AFF2: variants seen among roughly 807,000 people sequenced by gnomAD.
AFF2 encodes AF4/FMR2 family member 2.
AFF2 carries 14 observed loss-of-function variants against 76.9 expected under a neutral mutation model. The observed-to-expected ratio is 0.18, with a 90% CI of 0.12 to 0.28. AFF2 has a LOEUF of 0.28. Among genes scored for constraint, AFF2 ranks in the 10% least tolerant of loss-of-function variants. AFF2 has a pLI of 1.00. For synonymous variants in AFF2, 398 were observed against 366.7 expected, an observed-to-expected ratio of 1.09 and a Z score of -0.98; for missense variants, 868 against 1,001.1, an observed-to-expected ratio of 0.87 and a Z score of 1.79.
rs989839319 is a variant in AFF2, at chrX:148,518,038, A to G, written c.47+16894A>G. On this transcript the variant is annotated intron_variant, in intron 1 of 20. Coordinates refer to ENST00000370460, the MANE Select transcript of AFF2 (RefSeq NM_002025.4). Reference sequence around the variant, plus strand: ...ACTCCGTCTCAAAAAAAAAAAAAAAAAGAAAATAATTTTGTCAAATACTAT... The same window carrying G: ...ACTCCGTCTCAAAAAAAAAAAAAAAGAGAAAATAATTTTGTCAAATACTAT... Among the ~76,000 whole-genome samples, 24 of 110,882 alleles carry G rather than the reference A, an allele frequency of 2.2e-4. No homozygotes were observed. The South Asian group carries it at 8.8e-3, about 41-fold the overall frequency.
chrX:148,781,372 A>T (rs1393533983), intron 3 of AFF2, among the ~76,000 whole-genome samples: 1 of 112,055 alleles, frequency 8.9e-6, no homozygotes, highest in Non-Finnish European at 1.9e-5. Flanking sequence ...TGGGAGTTTT[A>T]TATATAAACC....
At chrX:148,605,939 G>C (rs1172724946) in intron 1 of AFF2, among the ~76,000 whole-genome samples, 3 of 111,715 alleles carry the variant, frequency 2.7e-5, no homozygotes, top group South Asian at 3.7e-4. Flanking sequence ...GGAGAAACAG[G>C]GTGTTAGCAT....
In AFF2 at chrX:148,804,882, C is replaced by G. The variant is rs1349218121; in HGVS notation, c.1042-4994C>G. ...AGGGACAGACAGATCCTAATGTGAA[C>G]TGAGTTTGTAGTTTTCCAAATTCAT... On this transcript the variant is annotated intron_variant, in intron 3 of 20. Coordinates refer to ENST00000370460, the MANE Select transcript of AFF2 (RefSeq NM_002025.4). Among the ~76,000 whole-genome samples the G allele has an allele frequency of 3.6e-5, 4 of 112,026 alleles. No homozygotes were observed. In the East Asian group the frequency reaches 1.1e-3, roughly 31 times the overall value.
At chrX:148,710,200 C>T (rs1414374511) in intron 3 of AFF2, among the ~76,000 whole-genome samples, 2 of 111,856 alleles carry the variant, frequency 1.8e-5, no homozygotes, top group African/African-American at 6.5e-5. Flanking sequence ...AGGTTGTTCT[C>T]ATTGCATAAC....
In AFF2 at chrX:148,758,270, A is replaced by G. The variant is rs782449017; in HGVS notation, c.1042-51606A>G. On this transcript the variant is annotated intron_variant, in intron 3 of 20. Transcript: ENST00000370460. ...TTTGAGAGAAGAACTGTCAACGTAA[A>G]TGTCAGGTTATTTGAAACAACATGA... 2.8e-4 allele frequency among the ~76,000 whole-genome samples: 32 copies of G among 112,592 alleles called. No individual in the cohort carries two copies. In the South Asian group the frequency reaches 4.0e-3, roughly 14 times the overall value.
intron 3 of AFF2, among the ~76,000 whole-genome samples, chrX:148,793,618 A>T (rs2124625594): frequency 9.0e-6 from 1 of 111,671 alleles, no homozygotes; most frequent in Non-Finnish European, 1.9e-5. Context: ...AATTCAATGG[A>T]ACCAAATGGA....
intron 9 of AFF2, among the ~76,000 whole-genome samples, chrX:148,929,972 A>G (rs2124291071): frequency 8.9e-6 from 1 of 111,976 alleles, no homozygotes; most frequent in African/African-American, 3.2e-5. Flanking sequence ...GAAGCTGGAG[A>G]TGAGACAGAC....
At chrX:148,771,093 C>G (rs2069581314) in intron 3 of AFF2, among the ~76,000 whole-genome samples, 2 of 112,088 alleles carry the variant, frequency 1.8e-5, no homozygotes, top group Non-Finnish European at 3.8e-5. Flanking sequence ...AGTGCTAATT[C>G]TATAATGCGC....
At chrX:148,576,793 ATGTGTGTGTG>A (rs60411417) in intron 1 of AFF2, among the ~76,000 whole-genome samples, 1 of 103,445 alleles carries the variant, frequency 9.7e-6, no homozygotes, top group Non-Finnish European at 2.0e-5. Context: ...GTGTGTGTGT[ATGTGTGTGTG>A]TGTGTGTGTG....
chrX:148,718,700 T>C (rs1020142454), intron 3 of AFF2, among the ~76,000 whole-genome samples: 5 of 110,635 alleles, frequency 4.5e-5, no homozygotes, highest in African/African-American at 1.6e-4. Flanking sequence ...ATATTTATAA[T>C]TTTTTTTTAT....
intron 1 of AFF2, among the ~76,000 whole-genome samples, chrX:148,556,763 T>C (rs1471549660): frequency 8.9e-6 from 1 of 112,277 alleles, no homozygotes; most frequent in Non-Finnish European, 1.9e-5. Flanking sequence ...AGAACTTACC[T>C]ATCTGATCTG....
chrX:148,543,824 T>C (rs1557237829), intron 1 of AFF2, among the ~76,000 whole-genome samples: 1 of 112,606 alleles, frequency 8.9e-6, no homozygotes, highest in African/African-American at 3.2e-5. Flanking sequence ...TTAGATACTT[T>C]TGTTTAATGA....
At chrX:148,778,106 T>C (rs958785552) in intron 3 of AFF2, among the ~76,000 whole-genome samples, 2 of 112,104 alleles carry the variant, frequency 1.8e-5, no homozygotes, top group African/African-American at 3.2e-5. Context: ...TCTATGGAGA[T>C]AACCATGTGG....
intron 3 of AFF2, among the ~76,000 whole-genome samples, chrX:148,768,547 T>TAC (rs201464527): frequency 8.6e-4 from 94 of 108,988 alleles, no homozygotes; most frequent in South Asian, 2.7e-3. Context: ...TGCATATGCA[T>TAC]ACACACACAC....
At chrX:148,514,691 C>T (rs1557233583) in intron 1 of AFF2, among the ~76,000 whole-genome samples, 1 of 112,046 alleles carries the variant, frequency 8.9e-6, no homozygotes, top group African/African-American at 3.2e-5. Flanking sequence ...ATACACAACC[C>T]TCAGTTCTCT....
chrX:148,524,942 G>A (rs1430116948), intron 1 of AFF2, among the ~76,000 whole-genome samples: 1 of 112,032 alleles, frequency 8.9e-6, no homozygotes, highest in Non-Finnish European at 1.9e-5. Flanking sequence ...AACAAGTTTT[G>A]AGAAATTAGG....
chrX:148,988,284 G>A (rs1557291848), intron 20 of AFF2, among the ~76,000 whole-genome samples: 1 of 111,846 alleles, frequency 8.9e-6, no homozygotes. Flanking sequence ...GCTGATTCTG[G>A]CCCAGCAGTC....
chrX:148,741,891 A>T (rs1360024414), intron 3 of AFF2, among the ~76,000 whole-genome samples: 17 of 111,491 alleles, frequency 1.5e-4, no homozygotes, highest in African/African-American at 5.6e-4. Flanking sequence ...AAAGTTGGAA[A>T]CTTCTCCTGG....
At chrX:148,535,077 AT>A (rs1455401972) in intron 1 of AFF2, among the ~76,000 whole-genome samples, 1 of 111,526 alleles carries the variant, frequency 9.0e-6, no homozygotes, top group African/African-American at 3.3e-5. Flanking sequence ...CAATTTCATC[AT>A]TTGGAAAATG....
Sources: allele counts gnomAD v4.1 joint callset (sites outside exome capture counted in the v4.1 genomes callset), GRCh38; gene constraint gnomAD v4.1.1; transcripts MANE v1.5; gene names NCBI Gene and HGNC (gene_info 2026-07-23, HGNC 2026-07-21).